Variants in SEMA5A observed in about 807,000 individuals in gnomAD.
SEMA5A encodes the protein semaphorin-5A.
SEMA5A carries 55 observed loss-of-function variants against 135.5 expected under a neutral mutation model. The observed-to-expected ratio is 0.41, with a 90% CI of 0.33 to 0.51. SEMA5A has a LOEUF of 0.51. Ranked by LOEUF, SEMA5A falls within the 20% of genes least tolerant of loss-of-function variation. The probability of loss-of-function intolerance (pLI) is 0.37; values close to 1 mark genes in which losing one functional copy is unlikely to be tolerated. For synonymous variants in SEMA5A, 580 were observed against 546.5 expected (o/e 1.06, Z -0.85); for missense variants, 1,290 against 1,419.9 (o/e 0.91, Z 1.47).
rs544990745 is a variant in SEMA5A at position 9,375,796 on chromosome 5, G to A, written c.124+4027C>T. Among the ~76,000 whole-genome samples the A allele has an allele frequency of 1.1e-4, 16 of 151,552 alleles. 1 individual carries two copies. The highest frequency in any genetic ancestry group is 7.2e-4 in the Admixed American group (11 of 15,190). ...CCTTGAACACTCTGCAGTATCTGACGCTCTGCTGGACATAGCCTTCTTGAA... is the reference window on the plus strand; with the variant it reads ...CCTTGAACACTCTGCAGTATCTGACACTCTGCTGGACATAGCCTTCTTGAA... On this transcript the variant is annotated intron_variant, in intron 3 of 22. Coordinates refer to ENST00000382496, the MANE Select transcript of SEMA5A (RefSeq NM_003966.3).
At chr5:9,079,539 G>A (rs1738254215) in intron 16 of SEMA5A, among the ~76,000 whole-genome samples, 1 of 151,790 alleles carries the variant, frequency 6.6e-6, no homozygotes, top group South Asian at 2.1e-4. Flanking sequence ...AAAGCAAGCA[G>A]ATGACAAGAA....
intron 5 of SEMA5A, among the ~76,000 whole-genome samples, chr5:9,269,161 C>G (rs531136211): frequency 6.6e-6 from 1 of 152,048 alleles, no homozygotes; most frequent in Non-Finnish European, 1.5e-5. Flanking sequence ...TTTGTCATCA[C>G]GCTGAATCAT....
At chr5:9,230,699 A>C (rs1003987839) in intron 6 of SEMA5A, among the ~76,000 whole-genome samples, 1 of 152,122 alleles carries the variant, frequency 6.6e-6, no homozygotes, top group Admixed American at 6.6e-5. Context: ...AAAATGATGG[A>C]GGGTGGCCCC....
intron 1 of SEMA5A, among the ~76,000 whole-genome samples, chr5:9,519,607 T>C (rs1736704584): frequency 6.6e-6 from 1 of 152,168 alleles, no homozygotes. Context: ...CTCCATGTCT[T>C]AATAGAAGGA....
chr5:9,340,647 G>A (rs1260185551), intron 3 of SEMA5A, among the ~76,000 whole-genome samples: 7 of 152,178 alleles, frequency 4.6e-5, no homozygotes, highest in Admixed American at 1.3e-4. Flanking sequence ...TGTCAATATT[G>A]TTCAAGTTTC....
At chr5:9,091,072 AG>A (rs1171787791) in intron 16 of SEMA5A, among the ~76,000 whole-genome samples, 1 of 152,186 alleles carries the variant, frequency 6.6e-6, no homozygotes, top group African/African-American at 2.4e-5. Context: ...AAACCAAGGA[AG>A]CACAAGCTGA....
chr5:9,101,480 A>G (rs888718905), intron 16 of SEMA5A, among the ~76,000 whole-genome samples: 1 of 152,230 alleles, frequency 6.6e-6, no homozygotes, highest in African/African-American at 2.4e-5. Flanking sequence ...GGCATGTAGC[A>G]ATTATAATGA....
intron 3 of SEMA5A, among the ~76,000 whole-genome samples, chr5:9,343,102 G>A (rs1753721526): frequency 6.6e-6 from 1 of 151,882 alleles, no homozygotes; most frequent in South Asian, 2.1e-4. Flanking sequence ...CAGAAAGCTG[G>A]GTCTCTCAAA....
chr5:9,107,757 T>C (rs1201819155), intron 16 of SEMA5A, among the ~76,000 whole-genome samples: 1 of 152,072 alleles, frequency 6.6e-6, no homozygotes, highest in African/African-American at 2.4e-5. Flanking sequence ...GACCATGTTG[T>C]GTTTACAGAG....
At chr5:9,054,771 A>G (rs914131418) in intron 18 of SEMA5A, among the ~76,000 whole-genome samples, 1 of 152,198 alleles carries the variant, frequency 6.6e-6, no homozygotes, top group African/African-American at 2.4e-5. Context: ...TGGGATAGAG[A>G]AAAGCTAACA....
At chr5:9,181,636 G>A (rs1197936196) in intron 11 of SEMA5A, among the ~76,000 whole-genome samples, 1 of 152,088 alleles carries the variant, frequency 6.6e-6, no homozygotes, top group Non-Finnish European at 1.5e-5. Context: ...TCTCAGCCCA[G>A]GTTCTAGGTC....
chr5:9,504,268 C>T (rs1735755134), intron 1 of SEMA5A, among the ~76,000 whole-genome samples: 1 of 150,108 alleles, frequency 6.7e-6, no homozygotes, highest in African/African-American at 2.5e-5. Flanking sequence ...ATACATTTCA[C>T]TAGCATCATA....
At chr5:9,359,203 C>T (rs901223731) in intron 3 of SEMA5A, among the ~76,000 whole-genome samples, 2 of 152,210 alleles carry the variant, frequency 1.3e-5, no homozygotes, top group African/African-American at 4.8e-5. Context: ...TGCAGTGTAA[C>T]AGGCCAGGAA....
intron 3 of SEMA5A, among the ~76,000 whole-genome samples, chr5:9,366,153 T>C (rs1409012467): frequency 6.6e-6 from 1 of 152,252 alleles, no homozygotes; most frequent in Admixed American, 6.5e-5. Context: ...TGTATGTTAA[T>C]ATTTCATCTC....
At chr5:9,447,187 C>A (rs1412070245) in intron 1 of SEMA5A, among the ~76,000 whole-genome samples, 1 of 152,204 alleles carries the variant, frequency 6.6e-6, no homozygotes, top group Non-Finnish European at 1.5e-5. Context: ...TCCTTCAACT[C>A]AGTAATGGAA....
chr5:9,406,356 C>T (rs1459160696), intron 2 of SEMA5A, among the ~76,000 whole-genome samples: 1 of 152,144 alleles, frequency 6.6e-6, no homozygotes, highest in East Asian at 1.9e-4. Flanking sequence ...TTAAAAATTA[C>T]AATAATTAGT....
chr5:9,498,462 G>A (rs1028834824), intron 1 of SEMA5A: 1 of 152,120 alleles, frequency 6.6e-6, no homozygotes, highest in African/African-American at 2.4e-5. Flanking sequence ...ACAAATTTCT[G>A]GAAGTTCTGA....
At chr5:9,459,161 A>G (rs1382125069) in intron 1 of SEMA5A, among the ~76,000 whole-genome samples, 2 of 152,322 alleles carry the variant, frequency 1.3e-5, no homozygotes, top group Admixed American at 1.3e-4. Flanking sequence ...AAAAATTAGA[A>G]CTGTTTCCTG....
At chr5:9,248,200 T>A (rs372214648) in intron 5 of SEMA5A, among the ~76,000 whole-genome samples, 15 of 152,298 alleles carry the variant, frequency 9.8e-5, no homozygotes, top group African/African-American at 3.6e-4. Context: ...TAAGAGTTGG[T>A]GAATTTTTAA....
Sources: gnomAD v4.1 joint callset for allele counts (sites outside exome capture counted in the v4.1 genomes callset) on GRCh38, gnomAD v4.1.1 for gene constraint, MANE v1.5 for transcripts, NCBI Gene and HGNC (gene_info 2026-07-23, HGNC 2026-07-21) for gene names.